The following SRBD1 variants were observed in gnomAD, a reference collection of about 807,000 sequenced individuals.
SRBD1 encodes S1 RNA-binding domain-containing protein 1.
A neutral mutation model predicts 115.3 loss-of-function variants in SRBD1; 88 were observed. The observed-to-expected ratio is 0.76, with a 90% CI of 0.64 to 0.91. SRBD1 has a LOEUF of 0.91. Ranked by LOEUF, SRBD1 falls within the 40% of genes least tolerant of loss-of-function variation. The pLI is 0.00. For missense variants in SRBD1, 1,385 were observed against 1,177.4 expected, an observed-to-expected ratio of 1.18 and a Z score of -2.58; for synonymous variants, 509 against 407.7, an observed-to-expected ratio of 1.25 and a Z score of -2.99.
chr2:45,463,901 T>A (rs979506310), intron 16 of SRBD1, among the ~76,000 whole-genome samples: 1 of 152,216 alleles, frequency 6.6e-6, no homozygotes, highest in Admixed American at 6.5e-5. Flanking sequence ...AGAACTTCCA[T>A]AACTTACATT....
chr2:45,527,506 G>A (rs75300240), intron 14 of SRBD1, among the ~76,000 whole-genome samples: 2,210 of 151,850 alleles, frequency 0.015, 31 homozygotes, highest in Middle Eastern at 0.041. Context: ...GGCAGAGGAT[G>A]AGGAAAGGGT....
At chr2:45,433,057 T>C (rs1668387474) in intron 16 of SRBD1, among the ~76,000 whole-genome samples, 1 of 152,174 alleles carries the variant, frequency 6.6e-6, no homozygotes, top group Non-Finnish European at 1.5e-5. Flanking sequence ...ATACTAAACT[T>C]GAAGTTTTTC....
At chr2:45,479,305 T>C (rs936143259) in intron 15 of SRBD1, among the ~76,000 whole-genome samples, 1 of 152,034 alleles carries the variant, frequency 6.6e-6, no homozygotes, top group African/African-American at 2.4e-5. Context: ...CTAGAAATAA[T>C]GAAGCTTATT....
intron 14 of SRBD1, among the ~76,000 whole-genome samples, chr2:45,537,125 T>C (rs1045855833): frequency 2.0e-5 from 3 of 151,744 alleles, no homozygotes; most frequent in African/African-American, 4.9e-5. Context: ...CTGAAAAACA[T>C]AGGCTCATAC....
intron 2 of SRBD1, among the ~76,000 whole-genome samples, chr2:45,604,523 A>G (rs760639817): frequency 2.0e-5 from 3 of 152,028 alleles, no homozygotes; most frequent in African/African-American, 4.8e-5. Context: ...TTACAATCTC[A>G]TTTCTTACTA....
At position 45,390,324 on chromosome 2, in the gene SRBD1, C is replaced by A. The variant is rs139285861; in HGVS notation, c.2699-725G>T. ...TGCTAGAGAAACAATGATGAAGATA[C>A]AGATTTCTGTTTCCAAGTTCTTTAT... On this transcript the variant is annotated intron_variant, in intron 20 of 20. Transcript: ENST00000263736. Among the ~76,000 whole-genome samples, 361 of 152,302 alleles carry A rather than the reference C, an allele frequency of 2.4e-3. 1 individual carries two copies. The highest frequency in any genetic ancestry group is 3.7e-3 in the Non-Finnish European group (249 of 68,020).
rs142960850 is a variant in SRBD1 at position 45,570,266 on chromosome 2, G to A, written c.1305+2941C>T. 2.1e-3 allele frequency among the ~76,000 whole-genome samples: 315 copies of A among 152,264 alleles called. 2 individuals are homozygous for A. Among genetic ancestry groups the A allele is most frequent in the African/African-American group, 7.1e-3 (295 of 41,544 alleles). ...GGAAAGCTCTGGCAAAAGGACCAAG[G>A]GCAAGCATTTAATATAATTGTAGGG... On this transcript the variant is annotated intron_variant, in intron 9 of 20. Coordinates refer to ENST00000263736, the MANE Select transcript of SRBD1 (RefSeq NM_018079.5).
chr2:45,435,435 T>G (rs1668463952), intron 16 of SRBD1, among the ~76,000 whole-genome samples: 1 of 151,812 alleles, frequency 6.6e-6, no homozygotes, highest in Non-Finnish European at 1.5e-5. Flanking sequence ...GAGTATGATA[T>G]CAGAGAGAAT....
chr2:45,544,784 G>C (rs779594792), intron 14 of SRBD1, among the ~76,000 whole-genome samples: 2 of 151,940 alleles, frequency 1.3e-5, no homozygotes, highest in Admixed American at 1.3e-4. Context: ...ATAAAAGTAC[G>C]TATATAAACA....
chr2:45,460,825 C>A (rs867463045), intron 16 of SRBD1, among the ~76,000 whole-genome samples: 1 of 152,126 alleles, frequency 6.6e-6, no homozygotes, highest in Non-Finnish European at 1.5e-5. Flanking sequence ...GAGGCCCAAC[C>A]AATGCCATTA....
intron 14 of SRBD1, among the ~76,000 whole-genome samples, chr2:45,506,649 TA>T (rs1283757309): frequency 6.6e-6 from 1 of 152,186 alleles, no homozygotes; most frequent in African/African-American, 2.4e-5. Flanking sequence ...TATGCTCAAG[TA>T]ATTTCTCATC....
intron 4 of SRBD1, among the ~76,000 whole-genome samples, chr2:45,593,916 T>C (rs1673805453): frequency 6.6e-6 from 1 of 152,234 alleles, no homozygotes. Context: ...AAGGGGGATT[T>C]TGAGATGTTG....
chr2:45,473,187 T>C lies in SRBD1; in HGVS notation c.2049+3806A>G, dbSNP rs534263775. 2.0e-5 allele frequency among the ~76,000 whole-genome samples: 3 copies of C among 152,242 alleles called. No homozygotes were observed. In the East Asian group the frequency reaches 5.8e-4, roughly 29 times the overall value. ...TTTTACATTTTACTCTCATGATTTA[T>C]ATTAAATATCTTATTGGTGGTTGTT... is the stretch of plus-strand genomic sequence containing the variant. On this transcript the variant is annotated intron_variant, in intron 16 of 20. Transcript: ENST00000263736.
At chr2:45,440,543 T>C (rs1169804092) in intron 16 of SRBD1, among the ~76,000 whole-genome samples, 1 of 152,200 alleles carries the variant, frequency 6.6e-6, no homozygotes, top group Admixed American at 6.5e-5. Flanking sequence ...GGCTAAAACA[T>C]AGTTCTGGCT....
intron 14 of SRBD1, among the ~76,000 whole-genome samples, chr2:45,491,981 C>G (rs770559438): frequency 2.0e-5 from 3 of 152,082 alleles, no homozygotes; most frequent in Admixed American, 2.0e-4. Context: ...ACCATCATGC[C>G]CAGCTAATTT....
chr2:45,544,454 G>A (rs1672045179), intron 14 of SRBD1, among the ~76,000 whole-genome samples: 1 of 152,142 alleles, frequency 6.6e-6, no homozygotes, highest in South Asian at 2.1e-4. Flanking sequence ...TGGCTAATCA[G>A]AGGCAGTAGG....
At chr2:45,454,886 GA>G (rs1236925419) in intron 16 of SRBD1, among the ~76,000 whole-genome samples, 5 of 151,760 alleles carry the variant, frequency 3.3e-5, no homozygotes, top group African/African-American at 1.2e-4. Context: ...AATAATCACA[GA>G]AAGTAAGAAG....
chr2:45,391,068 TTCTC>T (rs756537276), intron 20 of SRBD1, among the ~76,000 whole-genome samples: 189 of 152,134 alleles, frequency 1.2e-3, no homozygotes, highest in Non-Finnish European at 1.6e-3. Context: ...TGGAAATTCT[TTCTC>T]TCTCTCTCTT....
intron 14 of SRBD1, chr2:45,546,028 C>T (rs949479889): frequency 1.6e-5 from 6 of 380,064 alleles, no homozygotes; most frequent in African/African-American, 1.3e-4. Context: ...TGTTAAATAT[C>T]AGCCATTATA....
Sources: gnomAD v4.1 joint callset for allele counts (sites outside exome capture counted in the v4.1 genomes callset) on GRCh38, gnomAD v4.1.1 for gene constraint, MANE v1.5 for transcripts, NCBI Gene and HGNC (gene_info 2026-07-23, HGNC 2026-07-21) for gene names.